Variants in FAM200B observed in about 807,000 individuals in gnomAD.
FAM200B encodes zinc finger BED-type containing 11, also known as protein FAM200B.
In FAM200B, 32 loss-of-function variants were observed where a neutral mutation model predicts 33.1. That is an observed-to-expected ratio of 0.97 (90% confidence interval 0.73 to 1.30). The LOEUF (loss-of-function observed/expected upper bound fraction) is 1.30. FAM200B is among the 50% of genes most tolerant of loss of function. The probability of loss-of-function intolerance (pLI) is 0.00; values close to 1 mark genes in which losing one functional copy is unlikely to be tolerated. For synonymous variants in FAM200B, 240 were observed against 264.8 expected (o/e 0.91, Z 0.91); for missense variants, 741 against 754.0 (o/e 0.98, Z 0.20).
the FAM200B span, among the ~76,000 whole-genome samples, chr4:15,638,936 G>A: frequency 2.0e-5 from 3 of 152,138 alleles, no homozygotes; most frequent in South Asian, 2.1e-4. Context: ...AAGCCAAGGC[G>A]GGTAGGTCAC....
chr4:15,681,009 C>A (rs979414060), upstream of FAM200B, among the ~76,000 whole-genome samples: 1 of 150,322 alleles, frequency 6.7e-6, no homozygotes, highest in Non-Finnish European at 1.5e-5. Context: ...TGGTTTGTGA[C>A]AAAGATGCAC....
At chr4:15,656,065 G>A in the FAM200B span, among the ~76,000 whole-genome samples, 61 of 152,370 alleles carry the variant, frequency 4.0e-4, no homozygotes, top group African/African-American at 1.4e-3. Flanking sequence ...GGGGATCCAG[G>A]TGCGGAAATG....
At chr4:15,644,436 G>A in the FAM200B span, 3 of 1,400,544 alleles carry the variant, frequency 2.1e-6, no homozygotes, top group Non-Finnish European at 3.0e-6. Context: ...TTTTGCCAAT[G>A]ATATACCAGA....
chr4:15,679,271 C>T (rs1361875293), upstream of FAM200B, among the ~76,000 whole-genome samples: 1 of 152,088 alleles, frequency 6.6e-6, no homozygotes, highest in African/African-American at 2.4e-5. Flanking sequence ...CCATGTTGGT[C>T]AGGATCTCCT....
the FAM200B span, among the ~76,000 whole-genome samples, chr4:15,654,963 G>A: frequency 6.6e-6 from 1 of 151,712 alleles, no homozygotes; most frequent in African/African-American, 2.4e-5. Flanking sequence ...CAGGCCCTCG[G>A]CAGGGGACGC....
At chr4:15,650,767 G>C in the FAM200B span, among the ~76,000 whole-genome samples, 1 of 149,362 alleles carries the variant, frequency 6.7e-6, no homozygotes, top group South Asian at 2.1e-4. Flanking sequence ...TGAGTAGCTG[G>C]GATTACAGGA....
chr4:15,654,915 G>A, the FAM200B span, among the ~76,000 whole-genome samples: 3 of 152,070 alleles, frequency 2.0e-5, no homozygotes, highest in Non-Finnish European at 4.4e-5. Flanking sequence ...CCGGCCCGAG[G>A]GCGGCCAGTG....
the FAM200B span, among the ~76,000 whole-genome samples, chr4:15,667,082 A>G: frequency 6.6e-6 from 1 of 152,218 alleles, no homozygotes; most frequent in Non-Finnish European, 1.5e-5. Flanking sequence ...ATTTGTACCC[A>G]TTACAAATTG....
At chr4:15,640,844 C>T in the FAM200B span, 1 of 1,562,158 alleles carries the variant, frequency 6.4e-7, no homozygotes, top group East Asian at 2.4e-5. Context: ...TCCAATCTCT[C>T]TTTCAGTTGT....
At chr4:15,640,442 C>CA in the FAM200B span, among the ~76,000 whole-genome samples, 1 of 89,738 alleles carries the variant, frequency 1.1e-5, no homozygotes, top group Non-Finnish European at 2.5e-5. Flanking sequence ...AGCATGAAAA[C>CA]AAAAAAATAT....
chr4:15,657,068 C>A, the FAM200B span, among the ~76,000 whole-genome samples: 1 of 152,176 alleles, frequency 6.6e-6, no homozygotes, highest in Non-Finnish European at 1.5e-5. Flanking sequence ...AGATTAATTT[C>A]TCTCTTCCTC....
chr4:15,661,741 G>T, the FAM200B span, among the ~76,000 whole-genome samples: 1 of 152,156 alleles, frequency 6.6e-6, no homozygotes, highest in Non-Finnish European at 1.5e-5. Flanking sequence ...TATTATTTCA[G>T]TTTTTAAGGA....
chr4:15,668,251 G>A, the FAM200B span, among the ~76,000 whole-genome samples: 1 of 150,374 alleles, frequency 6.7e-6, no homozygotes, highest in Non-Finnish European at 1.5e-5. Flanking sequence ...ATCTAGTATG[G>A]TATTTTCAAA....
In FAM200B at chr4:15,689,179, T is replaced by TA. The variant is rs1719183237; in HGVS notation, c.*230dup. 1 of 369,998 alleles carries TA rather than the reference T, an allele frequency of 2.7e-6. No individual in the cohort carries two copies. Among genetic ancestry groups the TA allele is most frequent in the African/African-American group, 2.1e-5 (1 of 47,644 alleles). The allele number at this position is 369,998 out of a possible 1,614,324, so 22.9% of individuals were successfully genotyped here. On this transcript the variant is annotated 3_prime_UTR_variant, in exon 2 of 2. Transcript: ENST00000422728. Reference sequence around the variant, plus strand: ...GGGATACAAAAGTGAACAAAACAGGTAATTCCCTAGTAGAGTTTATATCCT... The same window carrying TA: ...GGGATACAAAAGTGAACAAAACAGGTAAATTCCCTAGTAGAGTTTATATCCT...
the FAM200B span, among the ~76,000 whole-genome samples, chr4:15,664,763 TG>T: frequency 5.3e-5 from 8 of 151,870 alleles, no homozygotes; most frequent in Non-Finnish European, 8.8e-5. Context: ...TTCACCATGT[TG>T]GCCAGGCTAG....
At chr4:15,646,886 T>C in the FAM200B span, among the ~76,000 whole-genome samples, 1 of 151,808 alleles carries the variant, frequency 6.6e-6, no homozygotes, top group Non-Finnish European at 1.5e-5. Flanking sequence ...GTAAACACAG[T>C]CAGCCTCCGT....
chr4:15,639,475 A>G, the FAM200B span, among the ~76,000 whole-genome samples: 1 of 152,222 alleles, frequency 6.6e-6, no homozygotes, highest in Non-Finnish European at 1.5e-5. Flanking sequence ...GTTCCCTCAA[A>G]TCATTATTTT....
chr4:15,649,265 G>C, the FAM200B span, among the ~76,000 whole-genome samples: 4 of 151,980 alleles, frequency 2.6e-5, no homozygotes, highest in African/African-American at 9.7e-5. Flanking sequence ...GGTACCTAAA[G>C]TTAGTAAATT....
At chr4:15,637,904 A>T in the FAM200B span, among the ~76,000 whole-genome samples, 50,156 of 145,294 alleles carry the variant, frequency 0.35, 8,660 homozygotes, top group East Asian at 0.52. Context: ...AGTTTTTTTA[A>T]AAAAAAAAAA....
Sources: gnomAD v4.1 joint callset for allele counts (sites outside exome capture counted in the v4.1 genomes callset) on GRCh38, gnomAD v4.1.1 for gene constraint, MANE v1.5 for transcripts, NCBI Gene and HGNC (gene_info 2026-07-23, HGNC 2026-07-21) for gene names.